Variants in KAZN observed in about 807,000 individuals in gnomAD.
KAZN encodes kazrin, periplakin interacting protein, also known as kazrin.
Under a neutral mutation model 87.4 loss-of-function variants are expected in KAZN, and 40 were observed. The observed-to-expected ratio is 0.46, with a 90% CI of 0.36 to 0.60. The LOEUF is 0.60. Ranked by LOEUF, KAZN falls within the 20% of genes least tolerant of loss-of-function variation. The pLI is 0.00. For synonymous variants in KAZN, 466 were observed against 458.3 expected, an observed-to-expected ratio of 1.02 and a Z score of -0.22; for missense variants, 898 against 1,073.9, an observed-to-expected ratio of 0.84 and a Z score of 2.29.
At chr1:14,904,692 T>C (rs72870402) in intron 1 of KAZN, among the ~76,000 whole-genome samples, 5,392 of 152,312 alleles carry the variant, frequency 0.035, 314 homozygotes, top group African/African-American at 0.12. Context: ...TCTTCCTCCA[T>C]GTGCCACTGG....
At chr1:14,258,218 C>CTTTCTTTCTTTCTT (rs539198790) in intron 2 of KAZN, among the ~76,000 whole-genome samples, 145 of 126,418 alleles carry the variant, frequency 1.1e-3, no homozygotes, top group African/African-American at 4.0e-3. Flanking sequence ...TTCTTTCTTT[C>CTTTCTTTCTTTCTT]TTTTTTTTTT....
chr1:14,507,369 A>C (rs1670637179), intron 2 of KAZN, among the ~76,000 whole-genome samples: 1 of 152,232 alleles, frequency 6.6e-6, no homozygotes, highest in South Asian at 2.1e-4. Context: ...AAAATGACTT[A>C]CAACAGCTGC....
Position 15,002,609 on chromosome 1 carries a change from CATT to C in KAZN, c.419-32139_419-32137del, listed in dbSNP as rs201968594. Among the ~76,000 whole-genome samples the C allele has an allele frequency of 5.5e-4, 84 of 152,294 alleles. 1 individual carries two copies. In the East Asian group the frequency reaches 0.013, roughly 23 times the overall value. On this transcript the variant is annotated intron_variant, in intron 2 of 14. Transcript: ENST00000376030. ...GAAAAATCAGCGTCATCGCCATCAT[CATT>C]GTCATCATCTTGCCAAGTACTGTCC... is the stretch of plus-strand genomic sequence containing the variant.
chr1:14,991,938 A>G (rs1667401788), intron 2 of KAZN, among the ~76,000 whole-genome samples: 3 of 152,202 alleles, frequency 2.0e-5, no homozygotes, highest in Admixed American at 2.0e-4. Flanking sequence ...TTGCCTGGAT[A>G]TCCCTCGGTG....
intron 1 of KAZN, among the ~76,000 whole-genome samples, chr1:13,986,753 G>A (rs896434593): frequency 1.3e-5 from 2 of 152,202 alleles, no homozygotes; most frequent in South Asian, 2.1e-4. Context: ...AAGGAAGGAT[G>A]GGTAGAGCCA....
At chr1:14,431,095 A>G (rs1201499879) in intron 2 of KAZN, among the ~76,000 whole-genome samples, 1 of 152,234 alleles carries the variant, frequency 6.6e-6, no homozygotes, top group African/African-American at 2.4e-5. Flanking sequence ...ACATTAATGA[A>G]TGGGTGACCA....
intron 4 of KAZN, 54 bp downstream of exon 4, chr1:15,044,213 G>T: frequency 6.7e-7 from 1 of 1,488,268 alleles, no homozygotes; most frequent in South Asian, 1.4e-5. Context: ...GTGCCGTGCT[G>T]GGAGCCGGGA....
At chr1:14,516,155 T>G (rs1272028516) in intron 2 of KAZN, among the ~76,000 whole-genome samples, 1 of 152,156 alleles carries the variant, frequency 6.6e-6, no homozygotes, top group Non-Finnish European at 1.5e-5. Context: ...AACAGCAGGA[T>G]TTAGTCTTTC....
chr1:13,953,723 C>G (rs1047142288), intron 1 of KAZN, among the ~76,000 whole-genome samples: 2 of 152,074 alleles, frequency 1.3e-5, no homozygotes. Context: ...CTCTTTTAAT[C>G]TGAAGATTCA....
intron 2 of KAZN, among the ~76,000 whole-genome samples, chr1:14,527,405 C>T (rs1671933482): frequency 6.6e-6 from 1 of 152,006 alleles, no homozygotes; most frequent in Non-Finnish European, 1.5e-5. Flanking sequence ...AAAAATTAGC[C>T]AGGCGTGGTG....
At chr1:13,913,019 A>G (rs1371326987) in intron 1 of KAZN, among the ~76,000 whole-genome samples, 1 of 152,200 alleles carries the variant, frequency 6.6e-6, no homozygotes, top group Admixed American at 6.5e-5. Context: ...AGATTGGCTT[A>G]GATGAAATTG....
At chr1:14,869,026 C>T (rs1204479957) in intron 1 of KAZN, among the ~76,000 whole-genome samples, 1 of 152,180 alleles carries the variant, frequency 6.6e-6, no homozygotes, top group Non-Finnish European at 1.5e-5. Flanking sequence ...CCACAAAATG[C>T]TAGTCAGGAT....
At chr1:14,715,892 A>G (rs1642767799) in intron 1 of KAZN, among the ~76,000 whole-genome samples, 1 of 152,164 alleles carries the variant, frequency 6.6e-6, no homozygotes. Context: ...TTGTTTCTAA[A>G]CATTGAAGCC....
At chr1:14,455,996 A>C (rs1667546583) in intron 2 of KAZN, among the ~76,000 whole-genome samples, 1 of 152,244 alleles carries the variant, frequency 6.6e-6, no homozygotes, top group South Asian at 2.1e-4. Flanking sequence ...TGCAGATGTT[A>C]GTTTGGTCCT....
chr1:14,152,406 T>G (rs1241909704), intron 1 of KAZN, among the ~76,000 whole-genome samples: 2 of 152,214 alleles, frequency 1.3e-5, no homozygotes, highest in Admixed American at 6.5e-5. Flanking sequence ...TTTTGATTTT[T>G]AGATATTACA....
At chr1:14,924,598 G>C (rs1658944456) in intron 1 of KAZN, 1 of 993,720 alleles carries the variant, frequency 1.0e-6, no homozygotes, top group Admixed American at 5.9e-5. Flanking sequence ...GCGGGGCGGG[G>C]CGGGCGGCGC....
intron 2 of KAZN, among the ~76,000 whole-genome samples, chr1:14,463,081 A>C (rs758661691): frequency 6.6e-6 from 1 of 152,158 alleles, no homozygotes; most frequent in African/African-American, 2.4e-5. Context: ...ACTTAAACCC[A>C]CTTTTAATTA....
In KAZN at chr1:15,114,968, G is replaced by T. The variant is rs1043966643; in HGVS notation, c.*333G>T. 1 of 191,660 alleles carries T rather than the reference G, an allele frequency of 5.2e-6. No individual in the cohort carries two copies. 11.9% of individuals were successfully genotyped at this position (191,660 alleles called of 1,614,324 possible). ...ACTGTGGAGCAGCCAAGCAGTCCCTGGAGCCTTAAACGGAGCTGCCAAGGT... is the reference window on the plus strand; with the variant it reads ...ACTGTGGAGCAGCCAAGCAGTCCCTTGAGCCTTAAACGGAGCTGCCAAGGT... On this transcript the variant is annotated 3_prime_UTR_variant, in exon 15 of 15. Coordinates refer to ENST00000376030, the MANE Select transcript of KAZN (RefSeq NM_201628.3).
intron 1 of KAZN, among the ~76,000 whole-genome samples, chr1:13,945,530 A>AT (rs1641107243): frequency 6.6e-6 from 1 of 152,056 alleles, no homozygotes; most frequent in South Asian, 2.1e-4. Context: ...TCTCAAAAAA[A>AT]AAAAAGTTCT....
Sources: allele counts gnomAD v4.1 joint callset (sites outside exome capture counted in the v4.1 genomes callset), GRCh38; gene constraint gnomAD v4.1.1; transcripts MANE v1.5; gene names NCBI Gene and HGNC (gene_info 2026-07-23, HGNC 2026-07-21).